The following CACNA2D1 variants were observed in gnomAD, a reference collection of about 807,000 sequenced individuals.
The protein encoded by CACNA2D1 is voltage-dependent calcium channel subunit alpha-2/delta-1.
Under a neutral mutation model 171.5 loss-of-function variants are expected in CACNA2D1, and 53 were observed. The ratio of observed to expected loss-of-function variants is 0.31; its 90% CI spans 0.25 to 0.39. The LOEUF (loss-of-function observed/expected upper bound fraction) is 0.39, where lower values mean the gene tolerates loss of function less well. Ranked by LOEUF, CACNA2D1 falls within the 10% of genes least tolerant of loss-of-function variation. The probability of loss-of-function intolerance (pLI) is 1.00; values close to 1 mark genes in which losing one functional copy is unlikely to be tolerated. For synonymous variants in CACNA2D1, 442 were observed against 443.1 expected, an observed-to-expected ratio of 1.00 and a Z score of 0.03; for missense variants, 903 against 1,299.8, an observed-to-expected ratio of 0.69 and a Z score of 4.69.
intron 3 of CACNA2D1, among the ~76,000 whole-genome samples, chr7:82,309,600 C>T (rs894680967): frequency 5.9e-5 from 9 of 152,226 alleles, no homozygotes; most frequent in East Asian, 1.9e-4. Flanking sequence ...AAGCTGTAAA[C>T]GCTGGCTGCT....
At chr7:82,296,117 G>A (rs1218984338) in intron 3 of CACNA2D1, among the ~76,000 whole-genome samples, 1 of 151,124 alleles carries the variant, frequency 6.6e-6, no homozygotes. Context: ...TGCGGGGTGG[G>A]GGAAGGGGGG....
intron 22 of CACNA2D1, among the ~76,000 whole-genome samples, 180 bp downstream of exon 22, chr7:81,984,455 A>T (rs532520093): frequency 3.3e-5 from 5 of 152,282 alleles, no homozygotes; most frequent in African/African-American, 1.2e-4. Context: ...TATTCTATCC[A>T]TGTAGAATAT....
intron 34 of CACNA2D1, among the ~76,000 whole-genome samples, chr7:81,963,638 A>G (rs1794397292): frequency 6.6e-6 from 1 of 152,024 alleles, no homozygotes; most frequent in African/African-American, 2.4e-5. Context: ...GTAAAGAGGT[A>G]GAAGGTTGCC....
At chr7:82,386,083 T>C (rs1824327830) in intron 1 of CACNA2D1, among the ~76,000 whole-genome samples, 1 of 152,202 alleles carries the variant, frequency 6.6e-6, no homozygotes, top group South Asian at 2.1e-4. Flanking sequence ...TATTTTTGGT[T>C]CTTGGAATGA....
intron 1 of CACNA2D1, among the ~76,000 whole-genome samples, chr7:82,396,927 TAG>T (rs1244057677): frequency 1.4e-4 from 21 of 152,322 alleles, no homozygotes; most frequent in African/African-American, 4.8e-4. Context: ...AATTCCAAAC[TAG>T]AGATTAAAGT....
chr7:82,174,042 CAAAAAAAAA>C (rs71093365), intron 3 of CACNA2D1, among the ~76,000 whole-genome samples: 3 of 45,628 alleles, frequency 6.6e-5, no homozygotes, highest in African/African-American at 2.6e-4. Context: ...GACCCTGTCT[CAAAAAAAAA>C]AAAAAAAAAA....
chr7:81,959,371 G>A lies in CACNA2D1; in HGVS notation c.3077-14C>T, dbSNP rs377272594. The stretch of plus-strand genomic sequence containing the variant: ...TTGGACCGTCAGCTAAAAGAGACTT[G>A]TTAAGGAATCTCATGTTAGTTTTTT... On this transcript the variant is annotated splice_polypyrimidine_tract_variant and intron_variant, in intron 37 of 38. Transcript: ENST00000356860. 2.6e-6 allele frequency: 4 copies of A among 1,568,182 alleles called. No homozygotes were observed. Among genetic ancestry groups the A allele is most frequent in the African/African-American group, 2.7e-5 (2 of 74,152 alleles).
At chr7:82,173,737 G>A (rs139430053) in intron 3 of CACNA2D1, among the ~76,000 whole-genome samples, 4 of 151,938 alleles carry the variant, frequency 2.6e-5, no homozygotes, top group African/African-American at 7.2e-5. Flanking sequence ...AAATGGCACC[G>A]GTGAATTGTG....
intron 12 of CACNA2D1, among the ~76,000 whole-genome samples, chr7:82,030,414 A>G (rs1427501304): frequency 6.6e-6 from 1 of 151,480 alleles, no homozygotes; most frequent in Non-Finnish European, 1.5e-5. Context: ...CAGGAAAAAA[A>G]AAAACAAAAA....
intron 5 of CACNA2D1, among the ~76,000 whole-genome samples, chr7:82,126,717 A>T (rs1344317385): frequency 1.3e-5 from 2 of 152,122 alleles, no homozygotes; most frequent in Non-Finnish European, 2.9e-5. Context: ...CCAAATCACC[A>T]CATTCAGACA....
intron 3 of CACNA2D1, among the ~76,000 whole-genome samples, chr7:82,310,917 C>G (rs564117433): frequency 6.6e-6 from 1 of 151,952 alleles, no homozygotes; most frequent in African/African-American, 2.4e-5. Flanking sequence ...GTGTTCTGAC[C>G]ACAAATTAGC....
intron 19 of CACNA2D1, among the ~76,000 whole-genome samples, chr7:81,996,791 C>T (rs879793740): frequency 2.6e-5 from 4 of 151,760 alleles, no homozygotes; most frequent in African/African-American, 7.3e-5. Flanking sequence ...AACATGACAG[C>T]TTCTACTCAT....
intron 1 of CACNA2D1, among the ~76,000 whole-genome samples, chr7:82,411,246 G>A (rs1827614909): frequency 6.6e-6 from 1 of 152,188 alleles, no homozygotes; most frequent in Non-Finnish European, 1.5e-5. Flanking sequence ...GGAATGCAAT[G>A]TAGTGGTTGA....
intron 28 of CACNA2D1, 57 bp downstream of exon 28, chr7:81,969,824 A>C: frequency 1.1e-6 from 1 of 906,268 alleles, no homozygotes; most frequent in South Asian, 1.3e-5. Flanking sequence ...AGCAGATAGT[A>C]GCAGTAATTT....
At chr7:82,362,787 C>T (rs1253760734) in intron 1 of CACNA2D1, among the ~76,000 whole-genome samples, 1 of 152,176 alleles carries the variant, frequency 6.6e-6, no homozygotes, top group Non-Finnish European at 1.5e-5. Flanking sequence ...TTTTCAAATA[C>T]TTCCAGAAAC....
At chr7:82,104,832 A>G (rs1163412326) in intron 6 of CACNA2D1, among the ~76,000 whole-genome samples, 2 of 152,120 alleles carry the variant, frequency 1.3e-5, no homozygotes, top group South Asian at 2.1e-4. Flanking sequence ...ACTACAATAT[A>G]TCAATAGTAT....
At chr7:82,408,769 A>T (rs1004880817) in intron 1 of CACNA2D1, among the ~76,000 whole-genome samples, 3 of 152,208 alleles carry the variant, frequency 2.0e-5, no homozygotes, top group African/African-American at 7.2e-5. Context: ...ACCATTTTAC[A>T]TAAGCACCGT....
rs71093365 is a variant in CACNA2D1, at chr7:82,174,042, CAAA to C, written c.295-3436_295-3434del. Among the ~76,000 whole-genome samples the C allele has an allele frequency of 5.6e-3, 255 of 45,626 alleles. 1 individual carries two copies. The highest frequency in any genetic ancestry group is 0.017 in the Middle Eastern group (1 of 58). 29.9% of individuals were successfully genotyped at this position (45,626 alleles called of 152,430 possible). ...TGAGCTATAGTGCAAGACCCTGTCT[CAAA>C]AAAAAAAAAAAAAAAAAAAAAAAGA... On this transcript the variant is annotated intron_variant, in intron 3 of 38. Transcript: ENST00000356860.
At chr7:82,001,692 T>G (rs1229088977) in intron 18 of CACNA2D1, 1 of 1,266,392 alleles carries the variant, frequency 7.9e-7, no homozygotes, top group Non-Finnish European at 1.0e-6. Context: ...TTAAATTAAT[T>G]GTTGGTATAC....
Sources: allele counts gnomAD v4.1 joint callset (sites outside exome capture counted in the v4.1 genomes callset), GRCh38; gene constraint gnomAD v4.1.1; transcripts MANE v1.5; gene names NCBI Gene and HGNC (gene_info 2026-07-23, HGNC 2026-07-21).